The following CLASP2 variants were observed in gnomAD, a reference collection of about 807,000 sequenced individuals.
CLASP2 encodes cytoplasmic linker associated protein 2.
In CLASP2, 47 loss-of-function variants were observed where a neutral mutation model predicts 194.4. The observed-to-expected ratio is 0.24, with a 90% CI of 0.19 to 0.31. CLASP2 has a LOEUF of 0.31. Ranked by LOEUF, CLASP2 falls within the 10% of genes least tolerant of loss-of-function variation. CLASP2 has a pLI of 1.00. For synonymous variants in CLASP2, 619 were observed against 633.5 expected (o/e 0.98, Z 0.34); for missense variants, 1,445 against 1,823.6 (o/e 0.79, Z 3.78).
Position 33,516,130 on chromosome 3 carries a change from A to G in CLASP2, c.4003T>C (p.Leu1335=), listed in dbSNP as rs1433815495. Residue 1335 remains leucine, a synonymous_variant, in exon 36 of 39, where the codon TTA becomes CTA. Coordinates refer to ENST00000682230, the MANE Select transcript of CLASP2 (RefSeq NM_001365631.1). ...DKEPTIRALA[L]KVLREILRHQ... is the part of the protein sequence containing the mutation. ...CTTAGGATTTCTCTTAAAACCTTTA[A>G]TGCCAAAGCCCTGATTGTAGGCTAA... The G allele has an allele frequency of 1.2e-6, 2 of 1,608,834 alleles. No homozygotes were observed. Among genetic ancestry groups the G allele is most frequent in the Non-Finnish European group, 1.7e-6 (2 of 1,177,538 alleles).
chr3:33,524,280 A>T (rs552554611), intron 34 of CLASP2, among the ~76,000 whole-genome samples: 9 of 152,170 alleles, frequency 5.9e-5, no homozygotes, highest in Admixed American at 2.0e-4. Context: ...TTTGCATGGT[A>T]TATCAATGGT....
rs1242332188 is a variant in CLASP2 at position 33,538,878 on chromosome 3, T to C, written c.3469A>G (p.Thr1157Ala). 6.2e-7 allele frequency: 1 copy of C among 1,608,712 alleles called. No homozygotes were observed. Reference sequence around the variant, plus strand: ...AAGCTGAAATTCTGGATTGCTTCAGTGACACCTCTAAGAGAGCTATAAATA... The same window carrying C: ...AAGCTGAAATTCTGGATTGCTTCAGCGACACCTCTAAGAGAGCTATAAATA... ...EDIYSSLRGV[T>A]EAIQNFSFRS... The change falls in exon 33 of 39, where the codon ACT becomes GCT. Residue 1157 changes from threonine (T) to alanine (A), a missense_variant. Physicochemically the swap from Thr to Ala is moderately conservative, Grantham distance 58 (BLOSUM62 0). Coordinates refer to ENST00000682230, the MANE Select transcript of CLASP2 (RefSeq NM_001365631.1).
chr3:33,673,109 T>G (rs182868741), intron 6 of CLASP2, among the ~76,000 whole-genome samples: 233 of 152,182 alleles, frequency 1.5e-3, no homozygotes, highest in African/African-American at 5.5e-3. Context: ...AAGATACTCC[T>G]CGTGAAAAGC....
chr3:33,544,229 C>T (rs962142334), intron 31 of CLASP2, among the ~76,000 whole-genome samples: 3 of 152,130 alleles, frequency 2.0e-5, no homozygotes, highest in Non-Finnish European at 4.4e-5. Flanking sequence ...TTCTTCAAAA[C>T]AAATTCCTGC....
intron 30 of CLASP2, among the ~76,000 whole-genome samples, chr3:33,548,042 C>A (rs1352096351): frequency 2.6e-5 from 4 of 151,914 alleles, no homozygotes; most frequent in South Asian, 2.1e-4. Flanking sequence ...TCCTAAAGTG[C>A]TGGGATTACA....
At chr3:33,581,995 A>G (rs1468563632) in intron 22 of CLASP2, 67 bp from the exon 23 acceptor site, 9 of 1,206,706 alleles carry the variant, frequency 7.5e-6, no homozygotes, top group Non-Finnish European at 9.5e-6. Flanking sequence ...ATTTTAAAAA[A>G]TTTTGTTTTT....
chr3:33,685,819 C>T (rs544009781), intron 5 of CLASP2, among the ~76,000 whole-genome samples: 1 of 114,440 alleles, frequency 8.7e-6, no homozygotes, highest in Non-Finnish European at 1.8e-5. Context: ...GGGGAGGGGG[C>T]GCCGGGGGTG....
At chr3:33,705,204 T>C (rs1232123398) in intron 1 of CLASP2, among the ~76,000 whole-genome samples, 1 of 152,164 alleles carries the variant, frequency 6.6e-6, no homozygotes, top group Non-Finnish European at 1.5e-5. Flanking sequence ...ACAACAGAAT[T>C]TTACTCATCC....
intron 8 of CLASP2, among the ~76,000 whole-genome samples, chr3:33,635,821 A>C (rs537904756): frequency 2.0e-5 from 3 of 152,350 alleles, no homozygotes; most frequent in Admixed American, 2.0e-4. Context: ...AAATATACAA[A>C]CAAATATTCC....
At chr3:33,597,257 G>C (rs1015016816) in intron 18 of CLASP2, among the ~76,000 whole-genome samples, 6 of 151,992 alleles carry the variant, frequency 3.9e-5, no homozygotes, top group Admixed American at 3.9e-4. Context: ...TCTATTACTT[G>C]AGATGTCCCA....
rs376410378 is a variant in CLASP2 at position 33,602,963 on chromosome 3, T to C, written c.1913A>G (p.Tyr638Cys). The change falls in exon 18 of 39, where the codon TAT becomes TGT. Residue 638 changes from tyrosine to cysteine, a missense_variant. Transcript: ENST00000682230. ...LGAGALNAGS[Y>C]ASLEDTSDKL... ...ATCAGTTCTCTTACCTAGTGACGCA[T>C]AGGAACCTGCATTCAGGGCACCTGC... The C allele has an allele frequency of 5.9e-5, 95 of 1,610,172 alleles. No individual in the cohort carries two copies. Among genetic ancestry groups the C allele is most frequent in the Middle Eastern group, 3.3e-4 (2 of 6,084 alleles).
At chr3:33,606,436 C>A (rs1015945571) in intron 16 of CLASP2, among the ~76,000 whole-genome samples, 155 bp downstream of exon 16, 1 of 152,192 alleles carries the variant, frequency 6.6e-6, no homozygotes, top group Non-Finnish European at 1.5e-5. Context: ...TAATCCAACT[C>A]TTGAAACAGT....
Position 33,535,308 on chromosome 3 carries a change from C to A in CLASP2, c.3712G>T (p.Asp1238Tyr), listed in dbSNP as rs2057121122. ...GACTTGTTGAAGGGACTGATGCTAT[C>A]TGAATAGTTATATGGATTATAGTCT... Reference protein sequence around the residue: ...SRDYNPYNYSDSISPFNKSAL... With the variant: ...SRDYNPYNYSYSISPFNKSAL... Residue 1238 changes from aspartate to tyrosine, a missense_variant, in exon 34 of 39, where the codon GAT becomes TAT. By Grantham distance (160) the Asp-to-Tyr change is radical. Coordinates refer to ENST00000682230, the MANE Select transcript of CLASP2 (RefSeq NM_001365631.1). 6.2e-7 allele frequency: 1 copy of A among 1,613,782 alleles called. No homozygotes were observed. The highest frequency in any genetic ancestry group is 1.3e-5 in the African/African-American group (1 of 74,892).
In CLASP2 at chr3:33,667,740, C is replaced by A. The variant is rs190454074; in HGVS notation, c.645-4225G>T. 3.4e-3 allele frequency among the ~76,000 whole-genome samples: 520 copies of A among 152,200 alleles called. 1 individual carries two copies. Among genetic ancestry groups the A allele is most frequent in the Non-Finnish European group, 5.4e-3 (369 of 68,020 alleles). ...GTTTATAAAGCACCACTGCTGAAAA[C>A]ACTATTCTTTCCTGCTCTATTAAAT... is the stretch of plus-strand genomic sequence containing the variant. On this transcript the variant is annotated intron_variant, in intron 6 of 38. Transcript: ENST00000682230.
chr3:33,669,193 G>A (rs2086708400), intron 6 of CLASP2, among the ~76,000 whole-genome samples: 1 of 152,134 alleles, frequency 6.6e-6, no homozygotes, highest in South Asian at 2.1e-4. Context: ...TCAATAAGTG[G>A]TGTTGGGTCA....
chr3:33,536,969 T>G (rs970139860), intron 33 of CLASP2, among the ~76,000 whole-genome samples: 1 of 152,178 alleles, frequency 6.6e-6, no homozygotes, highest in South Asian at 2.1e-4. Context: ...TGAATGTGAA[T>G]GTGGAACTCA....
At chr3:33,548,543 C>T (rs908686696) in intron 30 of CLASP2, among the ~76,000 whole-genome samples, 6 of 152,102 alleles carry the variant, frequency 3.9e-5, no homozygotes, top group Admixed American at 6.6e-5. Context: ...ATGATCCACC[C>T]GCCTGTTTCC....
intron 18 of CLASP2, 29 bp from the exon 19 acceptor site, chr3:33,596,763 A>G (rs1001534363): frequency 2.3e-5 from 35 of 1,521,582 alleles, no homozygotes; most frequent in Non-Finnish European, 3.0e-5. Flanking sequence ...CAAAGAACAG[A>G]GGAAAACTTA....
intron 7 of CLASP2, among the ~76,000 whole-genome samples, chr3:33,646,230 C>T (rs2154312656): frequency 6.6e-6 from 1 of 151,276 alleles, no homozygotes; most frequent in South Asian, 2.1e-4. Context: ...AACTATTTAA[C>T]TATTAAATAT....
Sources: gnomAD v4.1 joint callset for allele counts (sites outside exome capture counted in the v4.1 genomes callset) on GRCh38, gnomAD v4.1.1 for gene constraint, MANE v1.5 for transcripts, NCBI Gene and HGNC (gene_info 2026-07-23, HGNC 2026-07-21) for gene names.